NCKAP5: variants seen among roughly 807,000 people sequenced by gnomAD.
NCKAP5 encodes NCK associated protein 5.
In NCKAP5, 92 loss-of-function variants were observed where a neutral mutation model predicts 167.0. The ratio of observed to expected loss-of-function variants is 0.55; its 90% confidence interval spans 0.47 to 0.66. The LOEUF is 0.66. Ranked by LOEUF, NCKAP5 falls within the 30% of genes least tolerant of loss-of-function variation. The pLI is 0.00. For synonymous variants in NCKAP5, 891 were observed against 877.4 expected, an observed-to-expected ratio of 1.02 and a Z score of -0.27; for missense variants, 2,378 against 2,315.0, an observed-to-expected ratio of 1.03 and a Z score of -0.56.
At chr2:132,805,032 C>G (rs1016998916) in intron 11 of NCKAP5, among the ~76,000 whole-genome samples, 2 of 151,968 alleles carry the variant, frequency 1.3e-5, no homozygotes, top group Admixed American at 1.3e-4. Context: ...CAGCTCCCAT[C>G]AAATTAATTA....
At chr2:132,801,200 G>C (rs1685005463) in intron 11 of NCKAP5, among the ~76,000 whole-genome samples, 1 of 152,130 alleles carries the variant, frequency 6.6e-6, no homozygotes, top group African/African-American at 2.4e-5. Flanking sequence ...TAAGGAGTTT[G>C]GCTTCTTTAA....
At chr2:133,199,205 G>A (rs939962330) in intron 5 of NCKAP5, among the ~76,000 whole-genome samples, 15 of 151,800 alleles carry the variant, frequency 9.9e-5, no homozygotes, top group African/African-American at 2.2e-4. Flanking sequence ...GTAGGCAAAC[G>A]TTCCTAGAAT....
chr2:133,228,694 C>G (rs921694271), intron 4 of NCKAP5, among the ~76,000 whole-genome samples: 4 of 152,178 alleles, frequency 2.6e-5, no homozygotes, highest in Non-Finnish European at 5.9e-5. Context: ...GGCACACAAA[C>G]AAATCAGAAA....
chr2:133,421,876 C>G (rs1388147911), intron 3 of NCKAP5, among the ~76,000 whole-genome samples: 1 of 152,188 alleles, frequency 6.6e-6, no homozygotes, highest in African/African-American at 2.4e-5. Flanking sequence ...CTAAATCCCA[C>G]CCAGTGATAG....
intron 6 of NCKAP5, chr2:133,123,753 A>G (rs1444918779): frequency 2.1e-6 from 1 of 471,058 alleles, no homozygotes; most frequent in Non-Finnish European, 4.4e-6. Context: ...ATGCTTGTCC[A>G]AAGGTCAATT....
the NCKAP5 span, among the ~76,000 whole-genome samples, chr2:133,647,468 CAAGGGAAGGAAAGGAAAGGA>C: frequency 2.6e-4 from 14 of 53,024 alleles, 1 homozygote; most frequent in African/African-American, 1.3e-3. Context: ...AAAGAAAGGG[CAAGGGAAGGAAAGGAAAGGA>C]AAGGAAAGGA....
chr2:132,961,654 C>T (rs1156591575), intron 8 of NCKAP5, among the ~76,000 whole-genome samples: 3 of 152,172 alleles, frequency 2.0e-5, no homozygotes. Flanking sequence ...AAAAAAGATA[C>T]TGCTTCTCTT....
chr2:133,169,675 G>A (rs1236227283), intron 5 of NCKAP5, among the ~76,000 whole-genome samples: 2 of 152,106 alleles, frequency 1.3e-5, no homozygotes, highest in Admixed American at 6.6e-5. Flanking sequence ...TAGTGTGTGC[G>A]GCGAGCCCAC....
chr2:133,207,535 G>A (rs2086007909), intron 5 of NCKAP5, among the ~76,000 whole-genome samples: 1 of 152,118 alleles, frequency 6.6e-6, no homozygotes, highest in Admixed American at 6.5e-5. Context: ...ACAGGAACCA[G>A]GTGACCTTGG....
intron 5 of NCKAP5, among the ~76,000 whole-genome samples, chr2:133,148,031 T>C (rs533435701): frequency 1.3e-5 from 2 of 152,250 alleles, no homozygotes; most frequent in South Asian, 2.1e-4. Context: ...GAGCCTCTAA[T>C]AGCTGCTACT....
intron 16 of NCKAP5, among the ~76,000 whole-genome samples, chr2:132,770,111 C>G (rs1681894075): frequency 6.6e-6 from 1 of 152,144 alleles, no homozygotes; most frequent in Non-Finnish European, 1.5e-5. Context: ...CCTTTCTTCT[C>G]CAACCCAAAT....
intron 8 of NCKAP5, among the ~76,000 whole-genome samples, chr2:132,937,657 T>A (rs1210238280): frequency 6.6e-6 from 1 of 152,190 alleles, no homozygotes; most frequent in Non-Finnish European, 1.5e-5. Flanking sequence ...CAACTGAAGT[T>A]TGGGGAGAAA....
At chr2:133,569,599 G>T (rs781761184), upstream of NCKAP5, among the ~76,000 whole-genome samples, 14 of 152,180 alleles carry the variant, frequency 9.2e-5, no homozygotes, top group African/African-American at 3.4e-4. Flanking sequence ...AGCATTGAGG[G>T]TGGAGGCAGG....
chr2:133,319,793 T>C (rs1681900841), intron 3 of NCKAP5, among the ~76,000 whole-genome samples: 1 of 152,200 alleles, frequency 6.6e-6, no homozygotes, highest in Non-Finnish European at 1.5e-5. Context: ...TCAGGAAACT[T>C]ATGCAAATAT....
intron 3 of NCKAP5, among the ~76,000 whole-genome samples, chr2:133,373,040 A>C (rs904671451): frequency 6.6e-6 from 1 of 152,124 alleles, no homozygotes; most frequent in Non-Finnish European, 1.5e-5. Context: ...TTAGGTATAC[A>C]TTTGGCAAAA....
intron 3 of NCKAP5, among the ~76,000 whole-genome samples, chr2:133,360,028 C>T (rs761763955): frequency 3.3e-5 from 5 of 152,118 alleles, no homozygotes; most frequent in Non-Finnish European, 5.9e-5. Flanking sequence ...ATAACAAAGT[C>T]ATGATTTTAT....
At chr2:133,036,839 A>C (rs1474079508) in intron 6 of NCKAP5, among the ~76,000 whole-genome samples, 2 of 152,070 alleles carry the variant, frequency 1.3e-5, no homozygotes, top group Non-Finnish European at 2.9e-5. Flanking sequence ...CAAGAGAAAA[A>C]CATAATGGGC....
At chr2:133,113,469 T>C (rs913690305) in intron 6 of NCKAP5, among the ~76,000 whole-genome samples, 28 of 152,342 alleles carry the variant, frequency 1.8e-4, no homozygotes, top group African/African-American at 6.0e-4. Context: ...AACGGTATTG[T>C]CTCTCTTATA....
At chr2:133,580,566 A>C in the NCKAP5 span, among the ~76,000 whole-genome samples, 8 of 152,144 alleles carry the variant, frequency 5.3e-5, no homozygotes, top group South Asian at 1.7e-3. Context: ...GTATAGTATA[A>C]ATCATGGGTG....
Sources: gnomAD v4.1 joint callset for allele counts (sites outside exome capture counted in the v4.1 genomes callset) on GRCh38, gnomAD v4.1.1 for gene constraint, MANE v1.5 for transcripts, NCBI Gene and HGNC (gene_info 2026-07-23, HGNC 2026-07-21) for gene names.